The following CAMK2D variants were observed in gnomAD, a reference collection of about 807,000 sequenced individuals.
The protein encoded by CAMK2D is calcium/calmodulin-dependent protein kinase type II subunit delta.
CAMK2D carries 37 observed loss-of-function variants against 84.0 expected under a neutral mutation model. The observed-to-expected ratio is 0.44, with a 90% CI of 0.34 to 0.58. The LOEUF (loss-of-function observed/expected upper bound fraction) is 0.58, where lower values mean the gene tolerates loss of function less well. Ranked by LOEUF, CAMK2D falls within the 20% of genes least tolerant of loss-of-function variation. CAMK2D has a pLI of 0.02. For missense variants in CAMK2D, 448 were observed against 652.5 expected (o/e 0.69, Z 3.41); for synonymous variants, 202 against 212.5 (o/e 0.95, Z 0.43).
intron 4 of CAMK2D, among the ~76,000 whole-genome samples, chr4:113,598,514 C>T (rs2098937608): frequency 6.6e-6 from 1 of 152,056 alleles, no homozygotes; most frequent in African/African-American, 2.4e-5. Flanking sequence ...AACACATAAT[C>T]CATGAAAGAA....
At chr4:113,454,705 G>A (rs993214797) in intron 20 of CAMK2D, among the ~76,000 whole-genome samples, 190 bp from the exon 21 acceptor site, 1 of 152,114 alleles carries the variant, frequency 6.6e-6, no homozygotes, top group Non-Finnish European at 1.5e-5. Flanking sequence ...CACAAAGAGA[G>A]TATTAAATTA....
intron 2 of CAMK2D, among the ~76,000 whole-genome samples, chr4:113,691,564 C>A (rs2099387203): frequency 6.6e-6 from 1 of 151,978 alleles, no homozygotes; most frequent in Non-Finnish European, 1.5e-5. Flanking sequence ...ACCAGCCTGG[C>A]CAACATGGTA....
chr4:113,655,139 A>G (rs780370395), intron 3 of CAMK2D, among the ~76,000 whole-genome samples: 4 of 152,078 alleles, frequency 2.6e-5, no homozygotes, highest in Admixed American at 6.6e-5. Flanking sequence ...AAAAAGGCAA[A>G]TATTTTCTCT....
chr4:113,747,617 G>A (rs1480487196), intron 2 of CAMK2D, among the ~76,000 whole-genome samples: 8 of 151,966 alleles, frequency 5.3e-5, no homozygotes, highest in South Asian at 2.1e-4. Context: ...AGTACTAGCC[G>A]ATTTTTAAAA....
At chr4:113,705,710 T>C (rs939741010) in intron 2 of CAMK2D, among the ~76,000 whole-genome samples, 1 of 152,198 alleles carries the variant, frequency 6.6e-6, no homozygotes, top group Non-Finnish European at 1.5e-5. Context: ...TCTCCATAGA[T>C]CTCCTTAGAC....
intron 16 of CAMK2D, among the ~76,000 whole-genome samples, chr4:113,480,615 C>A (rs190402368): frequency 1.3e-5 from 2 of 151,804 alleles, no homozygotes; most frequent in East Asian, 1.9e-4. Flanking sequence ...CCAAGGTGGG[C>A]GGATCACTTG....
intron 5 of CAMK2D, chr4:113,548,703 C>T: frequency 6.3e-7 from 1 of 1,589,200 alleles, no homozygotes; most frequent in Non-Finnish European, 8.6e-7. Flanking sequence ...ATGATTAACA[C>T]TTTCTAGAAT....
chr4:113,650,870 C>A (rs1304524328), intron 3 of CAMK2D, among the ~76,000 whole-genome samples: 1 of 152,164 alleles, frequency 6.6e-6, no homozygotes, highest in Non-Finnish European at 1.5e-5. Flanking sequence ...CTGAACAGAA[C>A]AAGTGAAAGA....
chr4:113,534,861 C>CAT (rs1310720024), intron 7 of CAMK2D, among the ~76,000 whole-genome samples: 2 of 152,148 alleles, frequency 1.3e-5, no homozygotes, highest in African/African-American at 2.4e-5. Context: ...TGCTCAATAT[C>CAT]ATACAGCTGT....
chr4:113,669,647 C>T (rs1293077356), intron 2 of CAMK2D, among the ~76,000 whole-genome samples: 9 of 152,284 alleles, frequency 5.9e-5, no homozygotes, highest in South Asian at 4.1e-4. Context: ...CTTCCTTTCA[C>T]GAGAGTGCCT....
chr4:113,640,605 A>G (rs2099128900), intron 3 of CAMK2D, among the ~76,000 whole-genome samples: 1 of 152,234 alleles, frequency 6.6e-6, no homozygotes, highest in African/African-American at 2.4e-5. Context: ...AGAGACATCA[A>G]GTAAGACCAG....
At chr4:113,590,006 G>A (rs2154250569) in intron 4 of CAMK2D, among the ~76,000 whole-genome samples, 1 of 152,248 alleles carries the variant, frequency 6.6e-6, no homozygotes, top group East Asian at 1.9e-4. Flanking sequence ...ATATATGCAT[G>A]TTAATAAGGT....
chr4:113,613,280 C>T (rs1023954766), intron 3 of CAMK2D, among the ~76,000 whole-genome samples: 1 of 152,074 alleles, frequency 6.6e-6, no homozygotes, highest in Non-Finnish European at 1.5e-5. Flanking sequence ...AAGTAATTGG[C>T]CTGGCTAGGA....
chr4:113,494,478 G>A (rs1234470109), intron 16 of CAMK2D, among the ~76,000 whole-genome samples: 5 of 152,202 alleles, frequency 3.3e-5, no homozygotes, highest in African/African-American at 1.2e-4. Context: ...GGACCCACTT[G>A]AGGAGGCAGT....
intron 6 of CAMK2D, among the ~76,000 whole-genome samples, chr4:113,539,465 A>C (rs1412934614): frequency 6.6e-6 from 1 of 152,228 alleles, no homozygotes; most frequent in African/African-American, 2.4e-5. Context: ...TAAAAAATTG[A>C]GTGTGTTTTC....
At chr4:113,554,184 T>C (rs1016622988) in intron 4 of CAMK2D, among the ~76,000 whole-genome samples, 5 of 152,150 alleles carry the variant, frequency 3.3e-5, no homozygotes, top group Non-Finnish European at 7.4e-5. Context: ...TATGTTAGCA[T>C]CTAACCTAGC....
At chr4:113,705,721 T>G (rs917086179) in intron 2 of CAMK2D, among the ~76,000 whole-genome samples, 2 of 152,260 alleles carry the variant, frequency 1.3e-5, no homozygotes, top group African/African-American at 4.8e-5. Context: ...CTCCTTAGAC[T>G]GGAGACTGTA....
intron 2 of CAMK2D, among the ~76,000 whole-genome samples, chr4:113,758,244 C>CA (rs768872033): frequency 1.3e-5 from 2 of 152,032 alleles, no homozygotes; most frequent in East Asian, 1.9e-4. Context: ...AGAATCATGT[C>CA]AAAATCAGAT....
intron 17 of CAMK2D, among the ~76,000 whole-genome samples, chr4:113,460,642 T>C (rs1475736848): frequency 6.6e-6 from 1 of 151,746 alleles, no homozygotes; most frequent in East Asian, 1.9e-4. Flanking sequence ...CCTATAAAAC[T>C]ATCTTTGATT....
Sources: gnomAD v4.1 joint callset for allele counts (sites outside exome capture counted in the v4.1 genomes callset) on GRCh38, gnomAD v4.1.1 for gene constraint, MANE v1.5 for transcripts, NCBI Gene and HGNC (gene_info 2026-07-23, HGNC 2026-07-21) for gene names.